The following PARVA variants were observed in gnomAD, a reference collection of about 807,000 sequenced individuals.
PARVA encodes the protein parvin alpha.
In PARVA, 25 loss-of-function variants were observed where a neutral mutation model predicts 52.6. That is an observed-to-expected ratio of 0.48 (90% CI 0.35 to 0.66). The LOEUF (loss-of-function observed/expected upper bound fraction) is 0.66. PARVA is among the 30% of genes least tolerant of loss of function. The probability of loss-of-function intolerance (pLI) is 0.01; values close to 1 mark genes in which losing one functional copy is unlikely to be tolerated. For missense variants in PARVA, 373 were observed against 450.9 expected (o/e 0.83, Z 1.56); for synonymous variants, 185 against 179.1 (o/e 1.03, Z -0.26).
At chr11:12,443,211 C>T (rs1306657884) in intron 1 of PARVA, among the ~76,000 whole-genome samples, 10 of 121,232 alleles carry the variant, frequency 8.2e-5, no homozygotes, top group Non-Finnish European at 1.3e-4. Flanking sequence ...CTCGCTCTGT[C>T]GTCAGGTTGG....
rs1339460174 is a variant in PARVA at position 12,513,318 on chromosome 11, C to T, written c.756C>T (p.Thr252=). Residue 252 remains threonine (T), a synonymous_variant, in exon 9 of 13, where the codon ACC becomes ACT. Transcript: ENST00000334956. ...SGRHERDAFD[T]LFDHAPDKLN... ...TTTCAGAACGTGATGCCTTTGACAC[C>T]TTGTTCGACCATGCCCCAGACAAGC... The T allele has an allele frequency of 3.1e-6, 5 of 1,613,720 alleles. No individual in the cohort carries two copies. The Admixed American group carries it at 5.0e-5, about 16-fold the overall frequency.
At chr11:12,448,469 C>A (rs1257516119) in intron 1 of PARVA, among the ~76,000 whole-genome samples, 1 of 152,182 alleles carries the variant, frequency 6.6e-6, no homozygotes, top group African/African-American at 2.4e-5. Context: ...AGTTGTAGCT[C>A]CAGACATTGG....
intron 5 of PARVA, among the ~76,000 whole-genome samples, chr11:12,498,559 A>G (rs1941327329): frequency 6.9e-6 from 1 of 145,190 alleles, no homozygotes; most frequent in Non-Finnish European, 1.5e-5. Context: ...TTGCTTGGTC[A>G]GGTCATATAC....
chr11:12,405,235 G>C (rs554688023), intron 1 of PARVA, among the ~76,000 whole-genome samples: 10 of 152,222 alleles, frequency 6.6e-5, no homozygotes, highest in Non-Finnish European at 1.0e-4. Context: ...GATTTTTGAT[G>C]TGAGATGGTA....
intron 1 of PARVA, among the ~76,000 whole-genome samples, chr11:12,464,274 A>AG (rs1940825376): frequency 6.6e-6 from 1 of 152,192 alleles, no homozygotes; most frequent in African/African-American, 2.4e-5. Context: ...TATTAAGTTA[A>AG]ACATAAGTTT....
chr11:12,513,140 A>G (rs1941522865), intron 8 of PARVA, 159 bp from the exon 9 acceptor site: 2 of 746,482 alleles, frequency 2.7e-6, no homozygotes, highest in Admixed American at 3.7e-5. Flanking sequence ...CTTAGCCCCA[A>G]ATCACATTCC....
Position 12,377,579 on chromosome 11 carries a change from C to A in PARVA, c.-69C>A, listed in dbSNP as rs759852116. ...TGGAAAGCCGCAGCCTCAGTCCCGCCGCCGCCCGCTGCGTCCGCCCAGCGC... is the reference window on the plus strand; with the variant it reads ...TGGAAAGCCGCAGCCTCAGTCCCGCAGCCGCCCGCTGCGTCCGCCCAGCGC... On this transcript the variant is annotated 5_prime_UTR_variant, in exon 1 of 13. Transcript: ENST00000334956. 6.7e-7 allele frequency: 1 copy of A among 1,498,818 alleles called. No individual in the cohort carries two copies. Among genetic ancestry groups the A allele is most frequent in the South Asian group, 1.3e-5 (1 of 78,492 alleles). The allele number at this position is 1,498,818 out of a possible 1,614,324, so 92.8% of individuals were successfully genotyped here.
chr11:12,517,459 C>G (rs1941583281), intron 10 of PARVA, 151 bp from the exon 11 acceptor site: 1 of 644,126 alleles, frequency 1.6e-6, no homozygotes, highest in Admixed American at 2.3e-5. Flanking sequence ...AGCAGACCTC[C>G]TTGTCTCGGG....
At chr11:12,490,420 G>C (rs1941219672) in intron 4 of PARVA, among the ~76,000 whole-genome samples, 1 of 151,200 alleles carries the variant, frequency 6.6e-6, no homozygotes, top group Non-Finnish European at 1.5e-5. Flanking sequence ...AGCTACTTGG[G>C]AGGCTGAGGC....
chr11:12,396,688 C>G (rs61875445), intron 1 of PARVA, among the ~76,000 whole-genome samples: 13,507 of 152,306 alleles, frequency 0.089, 733 homozygotes, highest in African/African-American at 0.14. Context: ...TCGCATGGAA[C>G]TTCCTCTTGT....
At chr11:12,456,025 A>C in intron 1 of PARVA, among the ~76,000 whole-genome samples, 1 of 152,052 alleles carries the variant, frequency 6.6e-6, no homozygotes, top group Non-Finnish European at 1.5e-5. Flanking sequence ...GTCTCTTTGC[A>C]TCTGTTTGAA....
Position 12,528,024 on chromosome 11 carries a change from C to T in PARVA, c.*99C>T. 2 of 833,126 alleles carry T rather than the reference C, an allele frequency of 2.4e-6. No individual in the cohort carries two copies. Among genetic ancestry groups the T allele is most frequent in the Non-Finnish European group, 4.2e-6 (2 of 478,204 alleles). The allele number at this position is 833,126 out of a possible 1,614,324, so 51.6% of individuals were successfully genotyped here. On this transcript the variant is annotated 3_prime_UTR_variant, in exon 13 of 13. Transcript: ENST00000334956. ...ACCCTGCTTATTCCTGTCTCTTGCA[C>T]TGTGCTCTCCCACAAGTCCAGCTGC...
At chr11:12,466,346 G>A (rs1361919486) in intron 1 of PARVA, among the ~76,000 whole-genome samples, 7 of 140,620 alleles carry the variant, frequency 5.0e-5, no homozygotes, top group African/African-American at 1.8e-4. Flanking sequence ...TTGCTCTGTT[G>A]CCCAGGCTGG....
At chr11:12,522,794 A>G (rs1408983435) in intron 12 of PARVA, among the ~76,000 whole-genome samples, 16 of 151,926 alleles carry the variant, frequency 1.1e-4, no homozygotes, top group Admixed American at 1.0e-3. Flanking sequence ...ACTGTTAAAA[A>G]AAAAAAAACA....
At chr11:12,448,516 C>T (rs1940578172) in intron 1 of PARVA, among the ~76,000 whole-genome samples, 1 of 152,146 alleles carries the variant, frequency 6.6e-6, no homozygotes, top group Non-Finnish European at 1.5e-5. Context: ...ATGAGGTGCT[C>T]AGCAGATTCT....
At chr11:12,480,482 T>C (rs1564858083) in intron 4 of PARVA, 1 of 152,126 alleles carries the variant, frequency 6.6e-6, no homozygotes, top group Non-Finnish European at 1.5e-5. Flanking sequence ...GATCTGAAAC[T>C]GCCAAAATGT....
At chr11:12,387,569 G>GTGTGTGTA (rs2134949720) in intron 1 of PARVA, among the ~76,000 whole-genome samples, 1 of 151,836 alleles carries the variant, frequency 6.6e-6, no homozygotes, top group African/African-American at 2.4e-5. Context: ...GTGTGTGTGT[G>GTGTGTGTA]TGTGTATGTA....
chr11:12,380,806 T>TACATTAGATCAC (rs1939474489), intron 1 of PARVA, among the ~76,000 whole-genome samples: 1 of 152,142 alleles, frequency 6.6e-6, no homozygotes, highest in African/African-American at 2.4e-5. Flanking sequence ...TGCCTCTAAC[T>TACATTAGATCAC]ATTCTGCCAG....
At chr11:12,471,111 T>C (rs969445292) in intron 1 of PARVA, among the ~76,000 whole-genome samples, 4 of 152,216 alleles carry the variant, frequency 2.6e-5, no homozygotes, top group African/African-American at 9.6e-5. Flanking sequence ...AACCATGGTG[T>C]AAACAGTGGT....
Sources: gnomAD v4.1 joint callset for allele counts (sites outside exome capture counted in the v4.1 genomes callset) on GRCh38, gnomAD v4.1.1 for gene constraint, MANE v1.5 for transcripts, NCBI Gene and HGNC (gene_info 2026-07-23, HGNC 2026-07-21) for gene names.